The following SULF2 variants were observed in gnomAD, a reference collection of about 807,000 sequenced individuals.
SULF2 encodes the protein sulfatase 2.
SULF2 carries 52 observed loss-of-function variants against 107.7 expected under a neutral mutation model. The ratio of observed to expected loss-of-function variants is 0.48; its 90% CI spans 0.39 to 0.61. The LOEUF (loss-of-function observed/expected upper bound fraction) is 0.61. Among genes scored for constraint, SULF2 ranks in the 20% least tolerant of loss-of-function variants. The pLI, the probability that SULF2 is intolerant of heterozygous loss-of-function variation, is 0.00. For synonymous variants in SULF2, 460 were observed against 464.3 expected (o/e 0.99, Z 0.12); for missense variants, 993 against 1,177.3 (o/e 0.84, Z 2.29).
chr20:47,750,990 G>GCCCCTCCTGGCTT (rs1022298281), intron 2 of SULF2, among the ~76,000 whole-genome samples: 1 of 152,006 alleles, frequency 6.6e-6, no homozygotes, highest in African/African-American at 2.4e-5. Context: ...CTGGTTGATC[G>GCCCCTCCTGGCTT]CCCCTCCTGG....
At position 47,680,139 on chromosome 20, in the gene SULF2, C is replaced by T. The variant is rs1260351649; in HGVS notation, c.1065-1335G>A. ...TTCTTTTTTTGAGAGGTGTCTTGCT[C>T]TGTCACCCAGGATGCAGTGTGGTGG... On this transcript the variant is annotated intron_variant, in intron 7 of 20. Transcript: ENST00000688720. The surrounding 1 kb of genome is among the most constrained non-coding windows in gnomAD (Gnocchi z 4.2). Among the ~76,000 whole-genome samples, 1 of 152,198 alleles carries T rather than the reference C, an allele frequency of 6.6e-6. No homozygotes were observed. Among genetic ancestry groups the T allele is most frequent in the African/African-American group, 2.4e-5 (1 of 41,438 alleles).
At chr20:47,785,534 A>AGCGCC, upstream of SULF2, 1 of 96,278 alleles carries the variant, frequency 1.0e-5, no homozygotes, top group Non-Finnish European at 2.3e-5. Flanking sequence ...CCCGCCCCCC[A>AGCGCC]ACGCCGCCGC....
chr20:47,665,080 T>C (rs945142526), intron 14 of SULF2, 119 bp downstream of exon 14: 11 of 750,574 alleles, frequency 1.5e-5, no homozygotes, highest in Non-Finnish European at 2.6e-5. Context: ...TTTAATGCCA[T>C]GAGGGGAGAA....
intron 3 of SULF2, among the ~76,000 whole-genome samples, chr20:47,711,096 A>G (rs2146643498): frequency 6.6e-6 from 1 of 152,264 alleles, no homozygotes; most frequent in South Asian, 2.1e-4. Context: ...AATGGGGGAG[A>G]CAGAGGGCTC....
chr20:47,773,853 T>C (rs773826657), intron 1 of SULF2, among the ~76,000 whole-genome samples: 4 of 152,244 alleles, frequency 2.6e-5, no homozygotes, highest in Non-Finnish European at 5.9e-5. Flanking sequence ...TAGCCCTGCT[T>C]ACCCCCACAG....
intron 3 of SULF2, among the ~76,000 whole-genome samples, chr20:47,720,402 C>T (rs905031497): frequency 1.3e-5 from 2 of 152,068 alleles, no homozygotes; most frequent in Non-Finnish European, 2.9e-5. Context: ...AGTACAGGTG[C>T]ACACCACCAC....
Position 47,665,827 on chromosome 20 carries a change from G to A in SULF2, c.1902+30C>T, listed in dbSNP as rs1360334826. 22 of 1,598,156 alleles carry A rather than the reference G, an allele frequency of 1.4e-5. No homozygotes were observed. The East Asian group carries it at 4.7e-4, about 34-fold the overall frequency. On this transcript the variant is annotated intron_variant, in intron 13 of 20. Coordinates refer to ENST00000688720, the MANE Select transcript of SULF2 (RefSeq NM_001387048.1). ...GTCCTGCCAGGCCCGTGGTGGCCGA[G>A]AGCATGCTCCTCTCCCGCTCTCCAC...
intron 11 of SULF2, 120 bp downstream of exon 11, chr20:47,672,078 G>A: frequency 9.2e-7 from 1 of 1,083,642 alleles, no homozygotes; most frequent in Non-Finnish European, 1.3e-6. Context: ...TGTGTCCCCA[G>A]CCCCTAGATC....
intron 1 of SULF2, among the ~76,000 whole-genome samples, chr20:47,779,042 G>A (rs955797308): frequency 6.6e-6 from 1 of 152,064 alleles, no homozygotes; most frequent in Non-Finnish European, 1.5e-5. Flanking sequence ...ACATTTCCAC[G>A]TCGGAATTCC....
chr20:47,719,934 CATT>C (rs1388257996), intron 3 of SULF2, among the ~76,000 whole-genome samples: 3 of 152,148 alleles, frequency 2.0e-5, no homozygotes, highest in Admixed American at 1.3e-4. Flanking sequence ...GCAATACCAT[CATT>C]ATCATTATTA....
chr20:47,665,795 AC>A, intron 13 of SULF2, 61 bp downstream of exon 13: 1 of 1,431,892 alleles, frequency 7.0e-7, no homozygotes, highest in Non-Finnish European at 9.8e-7. Flanking sequence ...CCCACTGTGA[AC>A]CGGGGGTCCT....
At chr20:47,671,718 T>C (rs2087476920) in intron 11 of SULF2, among the ~76,000 whole-genome samples, 2 of 152,104 alleles carry the variant, frequency 1.3e-5, no homozygotes, top group Non-Finnish European at 2.9e-5. Flanking sequence ...TGTATGTGTG[T>C]TTCTTCCTTT....
intron 11 of SULF2, among the ~76,000 whole-genome samples, chr20:47,670,883 T>A (rs1352548911): frequency 6.6e-6 from 1 of 151,904 alleles, no homozygotes; most frequent in African/African-American, 2.4e-5. Flanking sequence ...TCACCATAAT[T>A]TTTTTTAAAA....
intron 1 of SULF2, among the ~76,000 whole-genome samples, chr20:47,781,558 G>A (rs1048538954): frequency 6.6e-5 from 10 of 152,094 alleles, no homozygotes; most frequent in African/African-American, 2.4e-4. Flanking sequence ...TTTCCTTTTG[G>A]GCTTAAACCA....
chr20:47,672,532 TCCAATG>T, intron 10 of SULF2, 139 bp from the exon 11 acceptor site: 1 of 1,425,512 alleles, frequency 7.0e-7, no homozygotes, highest in Non-Finnish European at 9.2e-7. Context: ...CTCTGCTATC[TCCAATG>T]CCGCTTCTCT....
At chr20:47,757,517 C>T (rs989870498) in intron 1 of SULF2, 54 bp from the exon 2 acceptor site, 8 of 837,122 alleles carry the variant, frequency 9.6e-6, no homozygotes, top group South Asian at 1.9e-5. Context: ...GCCGGCTGCT[C>T]ATTCTTGCAT....
In SULF2 at chr20:47,785,330, A is replaced by G. The variant is rs866564941; in HGVS notation, c.-101+13T>C. 0.19 allele frequency: 2,764 copies of G among 14,282 alleles called. 42 individuals carry two copies. The highest frequency in any genetic ancestry group is 0.26 in the South Asian group (189 of 722). 0.9% of individuals were successfully genotyped at this position (14,282 alleles called of 1,614,324 possible). On this transcript the variant is annotated intron_variant, in intron 1 of 20. Coordinates refer to ENST00000688720, the MANE Select transcript of SULF2 (RefSeq NM_001387048.1). ...TCCCCCAGCCACCCACCTGCCCCCCACGCCCCACTCACCAGCGCGCACGGC... is the reference window on the plus strand; with the variant it reads ...TCCCCCAGCCACCCACCTGCCCCCCGCGCCCCACTCACCAGCGCGCACGGC...
chr20:47,757,461 G>T lies in SULF2; in HGVS notation c.-98C>A. 1 of 1,336,892 alleles carries T rather than the reference G, an allele frequency of 7.5e-7. No individual in the cohort carries two copies. The highest frequency in any genetic ancestry group is 1.0e-6 in the Non-Finnish European group (1 of 991,902). The allele number at this position is 1,336,892 out of a possible 1,614,324, so 82.8% of individuals were successfully genotyped here. ...TTTCCCTCGTCCCTCTTCACTCGCA[G>T]ATCTAGAGGAGGAGGAAGAATCAGG... On this transcript the variant is annotated splice_region_variant and 5_prime_UTR_variant, in exon 2 of 21. It adds an upstream start codon to the 5' untranslated region. Transcript: ENST00000688720.
At chr20:47,710,053 C>T (rs1250911203) in intron 3 of SULF2, among the ~76,000 whole-genome samples, 1 of 152,114 alleles carries the variant, frequency 6.6e-6, no homozygotes, top group African/African-American at 2.4e-5. Context: ...AGGTGTCCAA[C>T]ACCACGCCCA....
Sources: allele counts gnomAD v4.1 joint callset (sites outside exome capture counted in the v4.1 genomes callset), GRCh38; gene constraint gnomAD v4.1.1; non-coding constraint Gnocchi (gnomAD v3.1); transcripts MANE v1.5; gene names NCBI Gene and HGNC (gene_info 2026-07-23, HGNC 2026-07-21).